The following GSTCD variants were observed in gnomAD, a reference collection of about 807,000 sequenced individuals.
GSTCD encodes glutathione S-transferase C-terminal domain containing.
A neutral mutation model predicts 68.3 loss-of-function variants in GSTCD; 44 were observed. The ratio of observed to expected loss-of-function variants is 0.64; its 90% confidence interval spans 0.51 to 0.83. The LOEUF (loss-of-function observed/expected upper bound fraction) is 0.83. GSTCD is among the 40% of genes least tolerant of loss of function. The pLI, the probability that GSTCD is intolerant of heterozygous loss-of-function variation, is 0.00. For synonymous variants in GSTCD, 273 were observed against 255.2 expected, an observed-to-expected ratio of 1.07 and a Z score of -0.67; for missense variants, 739 against 735.9, an observed-to-expected ratio of 1.00 and a Z score of -0.05.
chr4:105,779,568 A>T (rs1735201079), intron 5 of GSTCD, among the ~76,000 whole-genome samples: 1 of 152,188 alleles, frequency 6.6e-6, no homozygotes. Context: ...TTCTCTGTCA[A>T]ATTTTTGCAA....
rs958317832 is a variant in GSTCD, at chr4:105,719,405, G to C, written c.772G>C (p.Glu258Gln). Residue 258 changes from glutamate (E) to glutamine (Q), a missense_variant, in exon 3 of 12, where the codon GAG becomes CAG. By Grantham distance (29) the Glu-to-Gln change is conservative. Coordinates refer to ENST00000515279, the MANE Select transcript of GSTCD (RefSeq NM_001370181.1). ...VQEEPATTNR[E>Q]PSHIRKAKAS... ...GGAAGAACCAGCTACTACCAACAGAGAGCCTTCTCACATCAGAAAAGCAAA... is the reference window on the plus strand; with the variant it reads ...GGAAGAACCAGCTACTACCAACAGACAGCCTTCTCACATCAGAAAAGCAAA... The C allele has an allele frequency of 6.2e-7, 1 of 1,614,094 alleles. No individual in the cohort carries two copies. Among genetic ancestry groups the C allele is most frequent in the African/African-American group, 1.3e-5 (1 of 75,052 alleles).
At chr4:105,827,465 A>G (rs971193645) in intron 8 of GSTCD, among the ~76,000 whole-genome samples, 1 of 152,142 alleles carries the variant, frequency 6.6e-6, no homozygotes, top group Non-Finnish European at 1.5e-5. Flanking sequence ...TCCTTTCATA[A>G]TTACCCTTGT....
chr4:105,768,888 T>C (rs1329046123), intron 5 of GSTCD, among the ~76,000 whole-genome samples: 1 of 151,640 alleles, frequency 6.6e-6, no homozygotes, highest in Non-Finnish European at 1.5e-5. Flanking sequence ...GTATGATTTT[T>C]ATAGGATAGA....
In GSTCD at chr4:105,733,018, G is replaced by C. The variant is rs145026316; in HGVS notation, c.1240+3519G>C. On this transcript the variant is annotated intron_variant, in intron 5 of 11. Transcript: ENST00000515279. The stretch of plus-strand genomic sequence containing the variant: ...AGCGGTTTTGAATGAGTTTCTTAAT[G>C]CTGAGTTCTAGTTTGATTGCACTGT... Among the ~76,000 whole-genome samples the C allele has an allele frequency of 9.2e-5, 14 of 152,244 alleles. No individual in the cohort carries two copies. The East Asian group carries it at 1.4e-3, about 15-fold the overall frequency.
At chr4:105,821,174 T>G (rs1281508387) in intron 5 of GSTCD, 4 of 151,898 alleles carry the variant, frequency 2.6e-5, no homozygotes, top group Non-Finnish European at 4.4e-5. Flanking sequence ...TTGTTCTTAT[T>G]CTTTCTACTG....
chr4:105,727,455 G>A (rs909868440), intron 4 of GSTCD, among the ~76,000 whole-genome samples: 3 of 151,448 alleles, frequency 2.0e-5, no homozygotes, highest in African/African-American at 2.4e-5. Context: ...ACTTCGGAGG[G>A]CGGAGGTTTC....
At chr4:105,716,856 T>A (rs549120972) in intron 1 of GSTCD, among the ~76,000 whole-genome samples, 2 of 152,014 alleles carry the variant, frequency 1.3e-5, no homozygotes, top group Non-Finnish European at 2.9e-5. Context: ...ATCAAGGAGA[T>A]TTTTGTAGGC....
At chr4:105,782,892 A>C (rs1392860338) in intron 5 of GSTCD, among the ~76,000 whole-genome samples, 1 of 152,204 alleles carries the variant, frequency 6.6e-6, no homozygotes, top group Non-Finnish European at 1.5e-5. Flanking sequence ...TTATGAAAAG[A>C]ATTATTGTGT....
chr4:105,795,740 T>C (rs1735860683), intron 5 of GSTCD, among the ~76,000 whole-genome samples: 1 of 152,132 alleles, frequency 6.6e-6, no homozygotes, highest in African/African-American at 2.4e-5. Context: ...CATGTAAACA[T>C]TTATAGATCA....
At chr4:105,723,206 C>A (rs1335488430) in intron 3 of GSTCD, among the ~76,000 whole-genome samples, 1 of 151,840 alleles carries the variant, frequency 6.6e-6, no homozygotes, top group Non-Finnish European at 1.5e-5. Context: ...TCCCTTAGCA[C>A]CTAATCTATT....
rs761362616 is a variant in GSTCD at position 105,726,833 on chromosome 4, A to G, written c.1146+3A>G. The G allele has an allele frequency of 5.1e-6, 8 of 1,583,490 alleles. No individual in the cohort carries two copies. The South Asian group carries it at 8.2e-5, about 16-fold the overall frequency. ...GACCAACCATGGCCAAGTTAATGGT[A>G]CTTAATTATTAACATTTTCTTTGAA... is the stretch of plus-strand genomic sequence containing the variant. On this transcript the variant is annotated splice_donor_region_variant and intron_variant, in intron 4 of 11. Coordinates refer to ENST00000515279, the MANE Select transcript of GSTCD (RefSeq NM_001370181.1).
At chr4:105,783,584 A>G (rs1578471703) in intron 5 of GSTCD, among the ~76,000 whole-genome samples, 1 of 151,612 alleles carries the variant, frequency 6.6e-6, no homozygotes, top group East Asian at 1.9e-4. Flanking sequence ...ATATGTGTGT[A>G]TGTGTATGTA....
chr4:105,783,852 C>CT (rs1735369323), intron 5 of GSTCD, among the ~76,000 whole-genome samples: 1 of 152,124 alleles, frequency 6.6e-6, no homozygotes, highest in Non-Finnish European at 1.5e-5. Context: ...ACAGAATTAG[C>CT]TTCTCTTTTG....
intron 9 of GSTCD, among the ~76,000 whole-genome samples, chr4:105,834,843 A>G (rs953826791): frequency 1.3e-5 from 2 of 152,252 alleles, no homozygotes; most frequent in Non-Finnish European, 2.9e-5. Context: ...CTAGAAGTCT[A>G]TTGGCTTTAG....
intron 5 of GSTCD, among the ~76,000 whole-genome samples, chr4:105,816,308 T>A (rs1307458843): frequency 2.0e-5 from 3 of 152,250 alleles, no homozygotes; most frequent in Admixed American, 1.3e-4. Context: ...TCTTTCCTTC[T>A]GGATAATCCG....
Position 105,717,915 on chromosome 4 carries a change from G to C in GSTCD, c.302G>C (p.Cys101Ser). The change falls in exon 2 of 12, where the codon TGT becomes TCT. Residue 101 changes from cysteine (C) to serine (S), a missense_variant. Coordinates refer to ENST00000515279, the MANE Select transcript of GSTCD (RefSeq NM_001370181.1). The part of the protein sequence containing the change: ...PAVVERSDNF[C>S]RAGLAVVLRH... ...GTAGTAGAACGATCAGACAATTTTTGTAGAGCAGGACTTGCTGTTGTATTG... is the reference window on the plus strand; with the variant it reads ...GTAGTAGAACGATCAGACAATTTTTCTAGAGCAGGACTTGCTGTTGTATTG... The C allele has an allele frequency of 6.2e-7, 1 of 1,614,138 alleles. No individual in the cohort carries two copies.
chr4:105,724,852 GTA>G (rs1732978751), intron 3 of GSTCD, among the ~76,000 whole-genome samples: 1 of 151,912 alleles, frequency 6.6e-6, no homozygotes, highest in Non-Finnish European at 1.5e-5. Flanking sequence ...ATTTGCATAA[GTA>G]TATATTAAGG....
At chr4:105,841,705 G>A (rs1287870772) in intron 10 of GSTCD, among the ~76,000 whole-genome samples, 1 of 151,936 alleles carries the variant, frequency 6.6e-6, no homozygotes, top group Non-Finnish European at 1.5e-5. Context: ...CAAAAAATTA[G>A]CCAGATGTGG....
chr4:105,822,470 A>G (rs1420154380), intron 5 of GSTCD, among the ~76,000 whole-genome samples: 1 of 152,152 alleles, frequency 6.6e-6, no homozygotes, highest in South Asian at 2.1e-4. Context: ...AAACAATAAA[A>G]ATATTTTTAC....
Sources: gnomAD v4.1 joint callset for allele counts (sites outside exome capture counted in the v4.1 genomes callset) on GRCh38, gnomAD v4.1.1 for gene constraint, MANE v1.5 for transcripts, NCBI Gene and HGNC (gene_info 2026-07-23, HGNC 2026-07-21) for gene names.